Variants in LSAMP observed in about 807,000 individuals in gnomAD.
LSAMP encodes the protein limbic system-associated membrane protein.
Under a neutral mutation model 38.6 loss-of-function variants are expected in LSAMP, and 7 were observed. The observed-to-expected ratio is 0.18, with a 90% CI of 0.10 to 0.34. The LOEUF (loss-of-function observed/expected upper bound fraction) is 0.34, where lower values mean the gene tolerates loss of function less well. Among genes scored for constraint, LSAMP ranks in the 10% least tolerant of loss-of-function variants. The probability of loss-of-function intolerance (pLI) is 1.00; values close to 1 mark genes in which losing one functional copy is unlikely to be tolerated. For missense variants in LSAMP, 313 were observed against 420.0 expected (o/e 0.75, Z 2.23); for synonymous variants, 154 against 166.8 (o/e 0.92, Z 0.59).
chr3:116,051,394 T>G (rs1234286810), intron 2 of LSAMP: 3 of 152,222 alleles, frequency 2.0e-5, no homozygotes, highest in African/African-American at 7.2e-5. Flanking sequence ...AAGCTGCTTC[T>G]TGCAGCACAA....
chr3:115,850,552 G>A (rs1256108589), intron 4 of LSAMP, among the ~76,000 whole-genome samples: 2 of 152,122 alleles, frequency 1.3e-5, no homozygotes, highest in African/African-American at 4.8e-5. Flanking sequence ...ATAACATTGC[G>A]ATCATTAATG....
chr3:115,886,483 G>T (rs1190011543), intron 3 of LSAMP, among the ~76,000 whole-genome samples: 1 of 151,932 alleles, frequency 6.6e-6, no homozygotes, highest in South Asian at 2.1e-4. Flanking sequence ...TTAGTTGAAA[G>T]AATCTACATC....
intron 1 of LSAMP, among the ~76,000 whole-genome samples, chr3:116,342,205 C>T (rs572382901): frequency 6.6e-6 from 1 of 151,960 alleles, no homozygotes; most frequent in Non-Finnish European, 1.5e-5. Flanking sequence ...GAAACTTGAG[C>T]AGTTGGGAGT....
intron 1 of LSAMP, among the ~76,000 whole-genome samples, chr3:116,295,063 G>T (rs2107698514): frequency 6.6e-6 from 1 of 152,118 alleles, no homozygotes; most frequent in Middle Eastern, 3.4e-3. Flanking sequence ...CCCCTGTATG[G>T]AACACAAAAG....
intron 1 of LSAMP, among the ~76,000 whole-genome samples, chr3:116,238,185 G>T (rs576938349): frequency 6.6e-6 from 1 of 152,122 alleles, no homozygotes; most frequent in Non-Finnish European, 1.5e-5. Flanking sequence ...TAGGATCCCC[G>T]TATTTATCAC....
intron 2 of LSAMP, among the ~76,000 whole-genome samples, chr3:116,054,943 A>G (rs1348062299): frequency 2.0e-5 from 3 of 152,178 alleles, no homozygotes; most frequent in African/African-American, 7.2e-5. Flanking sequence ...TGTTCCAGGT[A>G]CATGAAAATG....
intron 1 of LSAMP, among the ~76,000 whole-genome samples, chr3:116,172,608 T>G (rs939958432): frequency 3.3e-5 from 5 of 152,062 alleles, no homozygotes; most frequent in Admixed American, 6.6e-5. Context: ...AGCAATGTTG[T>G]TGAGAGGATA....
At chr3:116,415,090 GA>G (rs66962956) in intron 1 of LSAMP, among the ~76,000 whole-genome samples, 4,836 of 147,990 alleles carry the variant, frequency 0.033, 258 homozygotes, top group African/African-American at 0.11. Context: ...CACTAAAAAC[GA>G]AAAAAAAAAT....
intron 3 of LSAMP, among the ~76,000 whole-genome samples, chr3:116,002,454 G>A (rs535360020): frequency 4.1e-4 from 63 of 152,178 alleles, no homozygotes; most frequent in Non-Finnish European, 8.1e-4. Context: ...CATCTGACAG[G>A]CCTTTTGAAT....
intron 1 of LSAMP, among the ~76,000 whole-genome samples, chr3:116,265,796 T>C (rs1380310580): frequency 6.6e-6 from 1 of 150,982 alleles, no homozygotes; most frequent in African/African-American, 2.4e-5. Context: ...TTAGTCAACT[T>C]AGAATGATGG....
At chr3:116,319,630 T>C (rs1427386056) in intron 1 of LSAMP, among the ~76,000 whole-genome samples, 2 of 152,060 alleles carry the variant, frequency 1.3e-5, no homozygotes, top group African/African-American at 4.8e-5. Flanking sequence ...AGAAAAGGGA[T>C]GTGTGTTAAA....
Position 115,897,426 on chromosome 3 carries a change from C to T in LSAMP, c.515-44809G>A, listed in dbSNP as rs373992993. On this transcript the variant is annotated intron_variant, in intron 3 of 6. Coordinates refer to ENST00000490035, the MANE Select transcript of LSAMP (RefSeq NM_002338.5). ...ATTTAGTTATTTACCTCCCTCTTCT[C>T]TCCATGAAGAGAAGAGGAGAGGAAC... 3.3e-4 allele frequency among the ~76,000 whole-genome samples: 50 copies of T among 152,040 alleles called. 1 individual carries two copies. Among genetic ancestry groups the T allele is most frequent in the East Asian group, 1.2e-3 (6 of 5,146 alleles).
At chr3:116,163,299 C>A (rs1237976344) in intron 1 of LSAMP, among the ~76,000 whole-genome samples, 1 of 143,356 alleles carries the variant, frequency 7.0e-6, no homozygotes, top group Non-Finnish European at 1.5e-5. Context: ...TTGTTCAATT[C>A]CCACCTATGA....
intron 1 of LSAMP, among the ~76,000 whole-genome samples, chr3:116,207,751 G>A (rs1200669370): frequency 6.6e-6 from 1 of 151,892 alleles, no homozygotes; most frequent in Non-Finnish European, 1.5e-5. Context: ...CTTCTGGCTT[G>A]TAGGGTTTCT....
At chr3:115,968,151 A>T (rs1017744740) in intron 3 of LSAMP, among the ~76,000 whole-genome samples, 1 of 152,058 alleles carries the variant, frequency 6.6e-6, no homozygotes, top group South Asian at 2.1e-4. Flanking sequence ...CATGTCCTGG[A>T]ATAAGGAACC....
intron 1 of LSAMP, among the ~76,000 whole-genome samples, chr3:116,357,077 G>T (rs186320256): frequency 2.6e-5 from 4 of 152,322 alleles, no homozygotes. Context: ...ACAAGCGTGA[G>T]CCATCGCGCC....
chr3:115,856,612 C>T (rs1935517087), intron 3 of LSAMP, among the ~76,000 whole-genome samples: 1 of 150,234 alleles, frequency 6.7e-6, no homozygotes, highest in Non-Finnish European at 1.5e-5. Flanking sequence ...GAGCAAGACT[C>T]CATCTCAAAA....
chr3:116,182,241 C>G (rs796637658), intron 1 of LSAMP, among the ~76,000 whole-genome samples: 1 of 151,798 alleles, frequency 6.6e-6, no homozygotes, highest in Non-Finnish European at 1.5e-5. Flanking sequence ...CTATGAAGAA[C>G]TATTTCAGTT....
chr3:116,407,135 C>A (rs2048907534), intron 1 of LSAMP, among the ~76,000 whole-genome samples: 1 of 152,000 alleles, frequency 6.6e-6, no homozygotes, highest in Non-Finnish European at 1.5e-5. Flanking sequence ...GTGAAGGGAA[C>A]ACACAGTACA....
Sources: allele counts gnomAD v4.1 joint callset (sites outside exome capture counted in the v4.1 genomes callset), GRCh38; gene constraint gnomAD v4.1.1; transcripts MANE v1.5; gene names NCBI Gene and HGNC (gene_info 2026-07-23, HGNC 2026-07-21).